Variants in LINGO2 observed in about 807,000 individuals in gnomAD.
LINGO2 encodes the protein leucine-rich repeat and immunoglobulin-like domain-containing nogo receptor-interacting protein 2.
A neutral mutation model predicts 30.6 loss-of-function variants in LINGO2; 14 were observed. That is an observed-to-expected ratio of 0.46 (90% CI 0.30 to 0.72). The LOEUF (loss-of-function observed/expected upper bound fraction) is 0.72. LINGO2 is among the 30% of genes least tolerant of loss of function. LINGO2 has a pLI of 0.07. For synonymous variants in LINGO2, 317 were observed against 288.5 expected, an observed-to-expected ratio of 1.10 and a Z score of -1.00; for missense variants, 729 against 751.7, an observed-to-expected ratio of 0.97 and a Z score of 0.35.
the LINGO2 span, among the ~76,000 whole-genome samples, chr9:28,685,734 G>T: frequency 6.6e-6 from 1 of 152,170 alleles, no homozygotes; most frequent in African/African-American, 2.4e-5. Flanking sequence ...CAAAGTCAGA[G>T]ATCCTAAAAA....
chr9:28,879,751 G>A, the LINGO2 span, among the ~76,000 whole-genome samples: 248 of 152,256 alleles, frequency 1.6e-3, no homozygotes, highest in Middle Eastern at 3.4e-3. Flanking sequence ...TCACCACTGT[G>A]AGTAGATCTG....
At chr9:28,353,751 C>G (rs1272990435) in intron 3 of LINGO2, among the ~76,000 whole-genome samples, 1 of 152,024 alleles carries the variant, frequency 6.6e-6, no homozygotes, top group African/African-American at 2.4e-5. Flanking sequence ...TTGGAACCAA[C>G]CCAAATGTCC....
chr9:29,030,316 A>T, the LINGO2 span, among the ~76,000 whole-genome samples: 1 of 152,104 alleles, frequency 6.6e-6, no homozygotes, highest in East Asian at 1.9e-4. Context: ...CACAATGCAT[A>T]CTTTTAATTT....
intron 4 of LINGO2, among the ~76,000 whole-genome samples, chr9:28,288,365 A>C (rs1276215750): frequency 6.6e-6 from 1 of 151,898 alleles, no homozygotes; most frequent in Non-Finnish European, 1.5e-5. Context: ...ATTAAAACCC[A>C]CTCCATTTGA....
the LINGO2 span, among the ~76,000 whole-genome samples, chr9:29,056,425 C>T: frequency 2.1e-4 from 32 of 152,110 alleles, no homozygotes; most frequent in African/African-American, 7.7e-4. Context: ...TGTCCTTAAC[C>T]CACTTTTGGA....
intron 3 of LINGO2, among the ~76,000 whole-genome samples, chr9:28,349,909 A>G (rs1000677922): frequency 1.3e-5 from 2 of 152,168 alleles, no homozygotes; most frequent in African/African-American, 4.8e-5. Flanking sequence ...AAGCTTCATA[A>G]GTGAAGGAGA....
the LINGO2 span, among the ~76,000 whole-genome samples, chr9:28,878,807 C>T: frequency 6.6e-6 from 1 of 152,124 alleles, no homozygotes; most frequent in Non-Finnish European, 1.5e-5. Context: ...GCTAAAAACT[C>T]TCAATAAATT....
chr9:28,033,097 C>T (rs950521987), intron 4 of LINGO2, among the ~76,000 whole-genome samples: 3 of 152,204 alleles, frequency 2.0e-5, no homozygotes, highest in African/African-American at 7.2e-5. Flanking sequence ...CTGAAACCCT[C>T]TGCATTTGCT....
At chr9:28,569,375 T>G (rs763937486) in intron 1 of LINGO2, among the ~76,000 whole-genome samples, 3 of 151,732 alleles carry the variant, frequency 2.0e-5, no homozygotes, top group Non-Finnish European at 4.4e-5. Flanking sequence ...AGCCAAGATC[T>G]AGAAATAACA....
the LINGO2 span, among the ~76,000 whole-genome samples, chr9:28,837,173 C>T: frequency 1.3e-5 from 2 of 152,274 alleles, no homozygotes; most frequent in East Asian, 1.9e-4. Context: ...AGGATGCTTT[C>T]TCAAAAGACT....
At chr9:28,084,504 T>C (rs1026144796) in intron 4 of LINGO2, among the ~76,000 whole-genome samples, 3 of 152,086 alleles carry the variant, frequency 2.0e-5, no homozygotes, top group African/African-American at 7.2e-5. Context: ...ATACGCCAGG[T>C]ACTTATCAAT....
intron 3 of LINGO2, among the ~76,000 whole-genome samples, chr9:28,348,634 G>A (rs566376098): frequency 1.3e-5 from 2 of 152,124 alleles, no homozygotes; most frequent in Non-Finnish European, 2.9e-5. Flanking sequence ...GCTGGAACTG[G>A]GTGGAGCCCA....
the LINGO2 span, among the ~76,000 whole-genome samples, chr9:29,168,117 C>T: frequency 6.6e-6 from 1 of 151,860 alleles, no homozygotes; most frequent in Non-Finnish European, 1.5e-5. Context: ...ATAGAAAGAC[C>T]TGAATGATAT....
chr9:28,705,089 T>C, the LINGO2 span, among the ~76,000 whole-genome samples: 1 of 151,938 alleles, frequency 6.6e-6, no homozygotes. Flanking sequence ...TAATTTTTTG[T>C]ATTTTTTTGT....
intron 1 of LINGO2, among the ~76,000 whole-genome samples, chr9:28,558,168 C>CA (rs1822848955): frequency 6.9e-6 from 1 of 143,940 alleles, no homozygotes. Context: ...TAGAATAAAA[C>CA]CAAAAAAAAA....
chr9:28,101,719 A>T (rs993039), intron 4 of LINGO2, among the ~76,000 whole-genome samples: 3 of 152,134 alleles, frequency 2.0e-5, no homozygotes, highest in African/African-American at 7.2e-5. Flanking sequence ...CTTGGTTACT[A>T]CTGTATGGGC....
intron 4 of LINGO2, among the ~76,000 whole-genome samples, chr9:28,037,607 C>T (rs553712923): frequency 6.6e-6 from 1 of 152,278 alleles, no homozygotes. Flanking sequence ...GTTATTTTAT[C>T]CGCAGCGCTT....
intron 1 of LINGO2, among the ~76,000 whole-genome samples, chr9:28,600,567 T>C (rs752754761): frequency 4.6e-5 from 7 of 152,124 alleles, no homozygotes; most frequent in Non-Finnish European, 1.0e-4. Context: ...TGAAGGCCAG[T>C]GTGAATTACT....
At chr9:28,399,033 A>G (rs1295683252) in intron 2 of LINGO2, among the ~76,000 whole-genome samples, 1 of 152,198 alleles carries the variant, frequency 6.6e-6, no homozygotes, top group Non-Finnish European at 1.5e-5. Context: ...GCATTTGCCC[A>G]AGCTTTGGGG....
Sources: gnomAD v4.1 joint callset for allele counts (sites outside exome capture counted in the v4.1 genomes callset) on GRCh38, gnomAD v4.1.1 for gene constraint, MANE v1.5 for transcripts, NCBI Gene and HGNC (gene_info 2026-07-23, HGNC 2026-07-21) for gene names.